The following PLEKHA5 variants were observed in gnomAD, a reference collection of about 807,000 sequenced individuals.
The protein encoded by PLEKHA5 is pleckstrin homology domain containing A5.
A neutral mutation model predicts 181.9 loss-of-function variants in PLEKHA5; 55 were observed. The observed-to-expected ratio is 0.30, with a 90% CI of 0.24 to 0.38. The LOEUF (loss-of-function observed/expected upper bound fraction) is 0.38. PLEKHA5 is among the 10% of genes least tolerant of loss of function. The probability of loss-of-function intolerance (pLI) is 1.00; values close to 1 mark genes in which losing one functional copy is unlikely to be tolerated. For missense variants in PLEKHA5, 1,432 were observed against 1,549.5 expected (o/e 0.92, Z 1.27); for synonymous variants, 535 against 529.4 (o/e 1.01, Z -0.15).
At position 19,304,957 on chromosome 12, in the gene PLEKHA5, G is replaced by A. The variant is rs111950700; in HGVS notation, c.2038-9857G>A. ...TTCTTTTTTTAAAATTTTTTAGTTAGAAATGAAAAAAAGAAAGAAGTCTAG... is the reference window on the plus strand; with the variant it reads ...TTCTTTTTTTAAAATTTTTTAGTTAAAAATGAAAAAAAGAAAGAAGTCTAG... On this transcript the variant is annotated intron_variant, in intron 15 of 31. Transcript: ENST00000429027. Among the ~76,000 whole-genome samples the A allele has an allele frequency of 2.0e-5, 3 of 151,620 alleles. 1 individual carries two copies. Among genetic ancestry groups the A allele is most frequent in the African/African-American group, 7.2e-5 (3 of 41,418 alleles).
chr12:19,316,318 C>G (rs2088687811), intron 16 of PLEKHA5, among the ~76,000 whole-genome samples: 1 of 151,592 alleles, frequency 6.6e-6, no homozygotes, highest in South Asian at 2.1e-4. Flanking sequence ...TTATAATGCT[C>G]AACATTCATG....
At chr12:19,193,863 A>G (rs2051894897) in intron 3 of PLEKHA5, among the ~76,000 whole-genome samples, 2 of 152,282 alleles carry the variant, frequency 1.3e-5, no homozygotes, top group East Asian at 3.9e-4. Flanking sequence ...TACTTATGGC[A>G]GAAGGGAAAG....
chr12:19,252,614 C>T (rs1443554354), intron 3 of PLEKHA5, among the ~76,000 whole-genome samples: 1 of 152,042 alleles, frequency 6.6e-6, no homozygotes, highest in African/African-American at 2.4e-5. Context: ...CAAAAATAGT[C>T]ATAACTTAAT....
At chr12:19,332,878 A>G (rs981025659) in intron 20 of PLEKHA5, among the ~76,000 whole-genome samples, 1 of 152,062 alleles carries the variant, frequency 6.6e-6, no homozygotes, top group Non-Finnish European at 1.5e-5. Flanking sequence ...CTGGTCTCAG[A>G]TTCCTGGGCT....
intron 11 of PLEKHA5, among the ~76,000 whole-genome samples, chr12:19,281,571 T>G (rs79213380): frequency 0.063 from 9,086 of 144,950 alleles, 456 homozygotes; most frequent in East Asian, 0.19. Context: ...AGCAAAACAC[T>G]ATCTCCAAAA....
At chr12:19,140,502 C>T (rs757610901) in intron 3 of PLEKHA5, among the ~76,000 whole-genome samples, 1 of 152,170 alleles carries the variant, frequency 6.6e-6, no homozygotes, top group Non-Finnish European at 1.5e-5. Flanking sequence ...GAATTATGCT[C>T]TGAAGTGACC....
At chr12:19,351,968 C>T (rs1487370469) in intron 25 of PLEKHA5, among the ~76,000 whole-genome samples, 3 of 150,172 alleles carry the variant, frequency 2.0e-5, no homozygotes, top group Admixed American at 1.3e-4. Context: ...CCCAGTTACT[C>T]AGGAGGCTGA....
intron 3 of PLEKHA5, among the ~76,000 whole-genome samples, chr12:19,230,407 G>A (rs2060331907): frequency 2.6e-5 from 4 of 152,146 alleles, no homozygotes; most frequent in East Asian, 1.9e-4. Flanking sequence ...GTCGCAGAGC[G>A]GGGGCGGTGC....
intron 20 of PLEKHA5, among the ~76,000 whole-genome samples, chr12:19,332,971 A>C (rs984069469): frequency 2.6e-5 from 4 of 152,300 alleles, no homozygotes; most frequent in African/African-American, 9.6e-5. Context: ...CTTTATGTGA[A>C]GTGTAACCAT....
chr12:19,139,913 A>G (rs2036782390), intron 3 of PLEKHA5, among the ~76,000 whole-genome samples: 1 of 152,244 alleles, frequency 6.6e-6, no homozygotes, highest in Non-Finnish European at 1.5e-5. Flanking sequence ...TGGGGTTGGT[A>G]TGGTATGGCA....
intron 3 of PLEKHA5, among the ~76,000 whole-genome samples, chr12:19,159,491 A>G (rs1164282293): frequency 6.6e-6 from 1 of 152,180 alleles, no homozygotes; most frequent in Non-Finnish European, 1.5e-5. Context: ...GATGATTGCT[A>G]TAACATTTTC....
intron 20 of PLEKHA5, among the ~76,000 whole-genome samples, chr12:19,327,338 G>A (rs1342743147): frequency 6.7e-6 from 1 of 149,506 alleles, no homozygotes; most frequent in Non-Finnish European, 1.5e-5. Context: ...TTTCTCTGAT[G>A]ATTAGTGATA....
rs1284185772 is a variant in PLEKHA5 at position 19,297,631 on chromosome 12, A to G, written c.2037+5934A>G. Among the ~76,000 whole-genome samples, 8 of 148,442 alleles carry G rather than the reference A, an allele frequency of 5.4e-5. No individual in the cohort carries two copies. In the South Asian group the frequency reaches 1.3e-3, roughly 23 times the overall value. ...GCGACAGAGCGAGGCTCCGTCTCAA[A>G]AAAAAAAAAAAAAAAAAAATACAGT... On this transcript the variant is annotated intron_variant, in intron 15 of 31. Transcript: ENST00000429027.
intron 3 of PLEKHA5, among the ~76,000 whole-genome samples, chr12:19,173,682 C>T (rs2046532507): frequency 1.3e-5 from 2 of 152,130 alleles, no homozygotes; most frequent in African/African-American, 4.8e-5. Context: ...GGGAACAGGA[C>T]AAAGAAGAGG....
chr12:19,138,395 A>G lies in PLEKHA5; in HGVS notation c.227+5945A>G, dbSNP rs138175486. Among the ~76,000 whole-genome samples the G allele has an allele frequency of 9.0e-3, 1,363 of 151,908 alleles. 23 individuals are homozygous for G. Among genetic ancestry groups the G allele is most frequent in the African/African-American group, 0.031 (1,293 of 41,396 alleles). On this transcript the variant is annotated intron_variant, in intron 3 of 31. Transcript: ENST00000429027. ...TGAGACCAACCTGGCTAACATGGTA[A>G]AACCCTGTCTCTACTAAAAATACAA...
At chr12:19,354,443 G>GC (rs1378679343) in intron 26 of PLEKHA5, among the ~76,000 whole-genome samples, 1 of 140,886 alleles carries the variant, frequency 7.1e-6, no homozygotes, top group Non-Finnish European at 1.5e-5. Flanking sequence ...GTGAGCCACC[G>GC]CCCCCCAGCC....
At chr12:19,169,644 C>A (rs1406509387) in intron 3 of PLEKHA5, among the ~76,000 whole-genome samples, 1 of 152,152 alleles carries the variant, frequency 6.6e-6, no homozygotes, top group Admixed American at 6.5e-5. Flanking sequence ...ATTGGAAGAA[C>A]CCATACAAGT....
At chr12:19,324,393 T>A (rs970574288) in intron 20 of PLEKHA5, among the ~76,000 whole-genome samples, 2 of 152,196 alleles carry the variant, frequency 1.3e-5, no homozygotes, top group African/African-American at 4.8e-5. Context: ...TTTTTGAAAT[T>A]TAATATCCTT....
chr12:19,363,114 CT>C (rs1269500204), intron 29 of PLEKHA5, among the ~76,000 whole-genome samples: 1 of 91,238 alleles, frequency 1.1e-5, no homozygotes, highest in Non-Finnish European at 3.4e-5. Context: ...AGCTATATTT[CT>C]TTTTTTGTTT....
Sources: allele counts gnomAD v4.1 joint callset (sites outside exome capture counted in the v4.1 genomes callset), GRCh38; gene constraint gnomAD v4.1.1; transcripts MANE v1.5; gene names NCBI Gene and HGNC (gene_info 2026-07-23, HGNC 2026-07-21).